HERC4: variants seen among roughly 807,000 people sequenced by gnomAD.
The protein encoded by HERC4 is probable E3 ubiquitin-protein ligase HERC4.
A neutral mutation model predicts 124.3 loss-of-function variants in HERC4; 28 were observed. The ratio of observed to expected loss-of-function variants is 0.23; its 90% confidence interval spans 0.17 to 0.31. HERC4 has a LOEUF of 0.31. Ranked by LOEUF, HERC4 falls within the 10% of genes least tolerant of loss-of-function variation. The probability of loss-of-function intolerance (pLI) is 1.00; values close to 1 mark genes in which losing one functional copy is unlikely to be tolerated. For synonymous variants in HERC4, 407 were observed against 421.5 expected (o/e 0.97, Z 0.42); for missense variants, 713 against 1,229.3 (o/e 0.58, Z 6.28).
At chr10:67,934,794 A>AG (rs1476450407) in intron 22 of HERC4, among the ~76,000 whole-genome samples, 1 of 151,952 alleles carries the variant, frequency 6.6e-6, no homozygotes, top group Non-Finnish European at 1.5e-5. Flanking sequence ...GGACAGTTTT[A>AG]GGGTCCCTTT....
intron 16 of HERC4, chr10:67,966,430 T>A: frequency 3.1e-6 from 1 of 319,160 alleles, no homozygotes; most frequent in South Asian, 4.9e-5. Flanking sequence ...ACTTGTAGGT[T>A]TTTTTTGTCT....
rs1564904926 is a variant in HERC4 at position 67,923,849 on chromosome 10, G to A, written c.2942-710C>T. 4.7e-5 allele frequency among the ~76,000 whole-genome samples: 7 copies of A among 149,930 alleles called. No homozygotes were observed. The South Asian group carries it at 1.5e-3, about 32-fold the overall frequency. ...CTCGGAGGTTGCCAAATCATTCCTG[G>A]CAAAAGCAGGAGTATCAAAGGAAAT... is the stretch of plus-strand genomic sequence containing the variant. On this transcript the variant is annotated intron_variant, in intron 24 of 24. Transcript: ENST00000373700.
At chr10:67,945,283 G>A (rs1450756360) in intron 19 of HERC4, among the ~76,000 whole-genome samples, 1 of 152,174 alleles carries the variant, frequency 6.6e-6, no homozygotes, top group Non-Finnish European at 1.5e-5. Flanking sequence ...TACAGGCCAG[G>A]AGAATGGCAT....
chr10:68,027,206 T>A (rs1313036679), intron 7 of HERC4, among the ~76,000 whole-genome samples: 1 of 152,220 alleles, frequency 6.6e-6, no homozygotes, highest in African/African-American at 2.4e-5. Context: ...CATACTGTTA[T>A]ATGAGAACAT....
At chr10:67,972,901 T>A (rs1425993450) in intron 15 of HERC4, among the ~76,000 whole-genome samples, 3 of 152,184 alleles carry the variant, frequency 2.0e-5, no homozygotes, top group Non-Finnish European at 2.9e-5. Context: ...TAGATGATAT[T>A]ATAGAATTAT....
rs541877711 is a variant in HERC4, at chr10:67,962,786, TA to T, written c.1926+3896del. 2.1e-3 allele frequency among the ~76,000 whole-genome samples: 321 copies of T among 152,172 alleles called. 2 individuals are homozygous for T. Among genetic ancestry groups the T allele is most frequent in the Non-Finnish European group, 3.4e-3 (233 of 67,990 alleles). ...AAAATGCTCTTAGAAAATGTTTCAT[TA>T]TAGTGCACATAGAGAAAGGCAGCAA... is the stretch of plus-strand genomic sequence containing the variant. On this transcript the variant is annotated intron_variant, in intron 16 of 24. Transcript: ENST00000373700.
chr10:67,970,875 T>C (rs1380689462), intron 15 of HERC4, among the ~76,000 whole-genome samples: 2 of 151,506 alleles, frequency 1.3e-5, no homozygotes, highest in African/African-American at 4.8e-5. Context: ...AAAAAGATCA[T>C]ATTAAGCACA....
intron 8 of HERC4, among the ~76,000 whole-genome samples, chr10:68,023,348 G>C (rs977529458): frequency 2.0e-5 from 3 of 152,196 alleles, no homozygotes; most frequent in Non-Finnish European, 4.4e-5. Flanking sequence ...ACAATGGAAT[G>C]CTGTTCAGCC....
At chr10:68,074,344 G>T (rs918282694) in intron 1 of HERC4, among the ~76,000 whole-genome samples, 3 of 152,056 alleles carry the variant, frequency 2.0e-5, no homozygotes, top group Admixed American at 6.5e-5. Flanking sequence ...AGTGCCCAAG[G>T]TGTCCCATTC....
chr10:67,936,602 T>C (rs2032383948), intron 21 of HERC4, among the ~76,000 whole-genome samples: 2 of 152,242 alleles, frequency 1.3e-5, no homozygotes, highest in South Asian at 4.1e-4. Context: ...AACCATGCAT[T>C]CTTCCCACAT....
At chr10:68,010,022 C>T (rs963232238) in intron 9 of HERC4, among the ~76,000 whole-genome samples, 2 of 152,138 alleles carry the variant, frequency 1.3e-5, no homozygotes, top group East Asian at 3.9e-4. Context: ...TCAAGAGCAT[C>T]ACCGAACTTC....
chr10:68,059,553 A>ATATTATATATCATAATAATAT lies in HERC4; in HGVS notation c.226+13329_226+13330insATATTATTATGATATATAATA, dbSNP rs1491177377. On this transcript the variant is annotated intron_variant, in intron 3 of 24. Coordinates refer to ENST00000373700, the MANE Select transcript of HERC4 (RefSeq NM_015601.4). ...ATTATATATCATATTATATATCATA[A>ATATTATATATCATAATAATAT]TATATATCATAATATTATATATCAT... 9.1e-5 allele frequency among the ~76,000 whole-genome samples: 8 copies of ATATTATATATCATAATAATAT among 88,102 alleles called. 1 individual carries two copies. The East Asian group carries it at 2.3e-3, about 25-fold the overall frequency. The allele number at this position is 88,102 out of a possible 152,430, so 57.8% of individuals were successfully genotyped here.
At chr10:67,963,897 C>G (rs989839687) in intron 16 of HERC4, among the ~76,000 whole-genome samples, 3 of 152,036 alleles carry the variant, frequency 2.0e-5, no homozygotes, top group African/African-American at 7.2e-5. Flanking sequence ...AGCCTCAGTT[C>G]AAGTCTTGCT....
At chr10:68,007,765 T>C (rs2133045029) in intron 9 of HERC4, 1 of 152,058 alleles carries the variant, frequency 6.6e-6, no homozygotes. Flanking sequence ...GCAGTGGCTA[T>C]TCAAAGGCAC....
chr10:68,021,790 A>G (rs895811287), intron 8 of HERC4, among the ~76,000 whole-genome samples: 1 of 152,202 alleles, frequency 6.6e-6, no homozygotes, highest in African/African-American at 2.4e-5. Context: ...CCTGGGCAAC[A>G]AGAGCAAAAC....
At chr10:67,980,511 A>T (rs919451901) in intron 15 of HERC4, among the ~76,000 whole-genome samples, 2 of 152,214 alleles carry the variant, frequency 1.3e-5, no homozygotes, top group Non-Finnish European at 2.9e-5. Context: ...AAGAAATGCT[A>T]AATGGAGGTC....
intron 15 of HERC4, among the ~76,000 whole-genome samples, chr10:67,982,620 C>A (rs143647917): frequency 2.9e-3 from 446 of 152,028 alleles, no homozygotes; most frequent in African/African-American, 9.9e-3. Flanking sequence ...AGTGGACAAA[C>A]GGGATTACAT....
chr10:68,003,328 A>ATTTTT (rs34287961), intron 9 of HERC4, among the ~76,000 whole-genome samples: 5 of 130,840 alleles, frequency 3.8e-5, no homozygotes, highest in African/African-American at 5.8e-5. Context: ...TGCCTGACTA[A>ATTTTT]TTTTTTTTTT....
intron 9 of HERC4, among the ~76,000 whole-genome samples, chr10:68,008,398 T>C (rs573631603): frequency 6.6e-6 from 1 of 152,314 alleles, no homozygotes; most frequent in South Asian, 2.1e-4. Flanking sequence ...GCAGCTTCCC[T>C]TCTAGTCAAA....
Sources: allele counts gnomAD v4.1 joint callset (sites outside exome capture counted in the v4.1 genomes callset), GRCh38; gene constraint gnomAD v4.1.1; transcripts MANE v1.5; gene names NCBI Gene and HGNC (gene_info 2026-07-23, HGNC 2026-07-21).